Variants in TUSC3 observed in about 807,000 individuals in gnomAD.
The protein encoded by TUSC3 is dolichyl-diphosphooligosaccharide--protein glycosyltransferase subunit TUSC3.
A neutral mutation model predicts 44.8 loss-of-function variants in TUSC3; 45 were observed. The ratio of observed to expected loss-of-function variants is 1.00; its 90% CI spans 0.79 to 1.29. The LOEUF is 1.29. Among genes scored for constraint, TUSC3 ranks in the 50% most tolerant of loss-of-function variants. The pLI is 0.00. For missense variants in TUSC3, 519 were observed against 437.9 expected (o/e 1.19, Z -1.65); for synonymous variants, 212 against 152.9 (o/e 1.39, Z -2.85).
intron 1 of TUSC3, among the ~76,000 whole-genome samples, chr8:15,610,917 A>G (rs1466519396): frequency 1.3e-5 from 2 of 152,168 alleles, no homozygotes; most frequent in African/African-American, 4.8e-5. Context: ...ACACATAACT[A>G]AAAGAGTGTT....
intron 2 of TUSC3, among the ~76,000 whole-genome samples, chr8:15,630,312 C>G (rs1805702302): frequency 6.6e-6 from 1 of 152,090 alleles, no homozygotes; most frequent in Non-Finnish European, 1.5e-5. Context: ...TGATAAATTA[C>G]AAAATACTTT....
At chr8:15,482,723 CATG>C (rs1489859058) in intron 1 of TUSC3, among the ~76,000 whole-genome samples, 1 of 151,986 alleles carries the variant, frequency 6.6e-6, no homozygotes, top group Non-Finnish European at 1.5e-5. Context: ...TAAAGGAAAA[CATG>C]ATTAAAAATG....
chr8:15,626,398 T>C (rs1805510640), intron 2 of TUSC3, among the ~76,000 whole-genome samples: 2 of 152,150 alleles, frequency 1.3e-5, no homozygotes, highest in Admixed American at 1.3e-4. Flanking sequence ...TCTGGGGCAG[T>C]GCTGTGCTCC....
the TUSC3 span, among the ~76,000 whole-genome samples, chr8:15,846,840 C>A: frequency 6.8e-6 from 1 of 146,694 alleles, no homozygotes; most frequent in East Asian, 2.0e-4. Context: ...GCATGTTCTG[C>A]ACATATATCC....
At chr8:15,590,037 G>A (rs1372815634) in intron 1 of TUSC3, among the ~76,000 whole-genome samples, 1 of 152,070 alleles carries the variant, frequency 6.6e-6, no homozygotes, top group African/African-American at 2.4e-5. Context: ...ATTTAAATTT[G>A]GAGTTAGGCC....
chr8:15,700,762 A>T (rs1194705336), intron 6 of TUSC3, among the ~76,000 whole-genome samples: 1 of 151,682 alleles, frequency 6.6e-6, no homozygotes, highest in Non-Finnish European at 1.5e-5. Context: ...GTTTGTTTAA[A>T]GAGACAGATG....
chr8:15,847,298 T>C, the TUSC3 span, among the ~76,000 whole-genome samples: 2 of 152,310 alleles, frequency 1.3e-5, no homozygotes, highest in Non-Finnish European at 2.9e-5. Flanking sequence ...TGATCTTGGC[T>C]GCACTTGGTT....
intron 2 of TUSC3, among the ~76,000 whole-genome samples, chr8:15,631,706 G>T (rs990391346): frequency 1.6e-4 from 21 of 131,114 alleles, no homozygotes; most frequent in African/African-American, 4.8e-4. Flanking sequence ...GTGTGTGTGT[G>T]TGTTTTGTTT....
chr8:15,764,289 G>C lies in TUSC3; in HGVS notation c.*133G>C, dbSNP rs1243545468. 6.7e-7 allele frequency: 1 copy of C among 1,502,112 alleles called. No individual in the cohort carries two copies. Among genetic ancestry groups the C allele is most frequent in the Non-Finnish European group, 9.2e-7 (1 of 1,085,618 alleles). The allele number at this position is 1,502,112 out of a possible 1,614,324, so 93.0% of individuals were successfully genotyped here. On this transcript the variant is annotated 3_prime_UTR_variant, in exon 11 of 11. Coordinates refer to ENST00000503731, the MANE Select transcript of TUSC3 (RefSeq NM_006765.4). ...ACTGTTCCTGACTTTATACTATTTT[G>C]AATTCATTCATTTCATTGTGATCAG... is the stretch of plus-strand genomic sequence containing the variant.
intron 9 of TUSC3, 141 bp from the exon 10 acceptor site, chr8:15,757,650 A>G: frequency 9.4e-7 from 1 of 1,067,894 alleles, no homozygotes; most frequent in Non-Finnish European, 1.4e-6. Context: ...GGCATTCTGT[A>G]AAGGCACCAT....
At chr8:15,801,597 TG>T in the TUSC3 span, among the ~76,000 whole-genome samples, 2 of 152,128 alleles carry the variant, frequency 1.3e-5, no homozygotes, top group Non-Finnish European at 2.9e-5. Context: ...TGTGGATGGC[TG>T]GGTAAATTGG....
chr8:15,633,614 C>T (rs752668665), intron 2 of TUSC3, among the ~76,000 whole-genome samples: 52 of 152,208 alleles, frequency 3.4e-4, no homozygotes, highest in Non-Finnish European at 6.5e-4. Context: ...TATTTTATTG[C>T]ATTGTTACAG....
At chr8:15,614,047 T>G (rs1371500863) in intron 1 of TUSC3, among the ~76,000 whole-genome samples, 2 of 150,650 alleles carry the variant, frequency 1.3e-5, no homozygotes, top group African/African-American at 4.9e-5. Context: ...GGGTCTGAGT[T>G]AAGAACTCCA....
intron 2 of TUSC3, among the ~76,000 whole-genome samples, chr8:15,492,266 A>T (rs1438019228): frequency 2.6e-5 from 4 of 152,180 alleles, no homozygotes. Context: ...ACTCAAGAAG[A>T]GCCTGTTCTT....
intron 1 of TUSC3, among the ~76,000 whole-genome samples, chr8:15,591,792 G>T (rs1438216863): frequency 6.6e-6 from 1 of 152,158 alleles, no homozygotes; most frequent in Admixed American, 6.5e-5. Flanking sequence ...GATTGGAGTG[G>T]TAGGCAGAGG....
At chr8:15,715,278 T>C (rs1333662237) in intron 6 of TUSC3, among the ~76,000 whole-genome samples, 1 of 152,164 alleles carries the variant, frequency 6.6e-6, no homozygotes, top group Non-Finnish European at 1.5e-5. Context: ...TGAACAGCAA[T>C]AATTAATAGT....
the TUSC3 span, among the ~76,000 whole-genome samples, chr8:15,812,585 C>T: frequency 3.9e-5 from 6 of 152,230 alleles, no homozygotes; most frequent in Admixed American, 1.3e-4. Context: ...TACTCCTGGC[C>T]GTCTGAACTC....
At chr8:15,772,846 TATGAG>T in the TUSC3 span, among the ~76,000 whole-genome samples, 1 of 152,112 alleles carries the variant, frequency 6.6e-6, no homozygotes, top group African/African-American at 2.4e-5. Context: ...TGGTTCAACA[TATGAG>T]AAAGAAAATC....
At chr8:15,806,253 C>G in the TUSC3 span, 1 of 581,622 alleles carries the variant, frequency 1.7e-6, no homozygotes, top group Non-Finnish European at 3.3e-6. Context: ...CAATTCACCT[C>G]CAGGTGGCAG....
Sources: gnomAD v4.1 joint callset for allele counts (sites outside exome capture counted in the v4.1 genomes callset) on GRCh38, gnomAD v4.1.1 for gene constraint, MANE v1.5 for transcripts, NCBI Gene and HGNC (gene_info 2026-07-23, HGNC 2026-07-21) for gene names.